The following PTH1R variants were observed in gnomAD, a reference collection of about 807,000 sequenced individuals.
PTH1R encodes parathyroid hormone 1 receptor.
A neutral mutation model predicts 70.7 loss-of-function variants in PTH1R; 32 were observed. The observed-to-expected ratio is 0.45, with a 90% confidence interval of 0.34 to 0.61. PTH1R has a LOEUF of 0.61. Ranked by LOEUF, PTH1R falls within the 20% of genes least tolerant of loss-of-function variation. The pLI is 0.01. For synonymous variants in PTH1R, 329 were observed against 324.8 expected, an observed-to-expected ratio of 1.01 and a Z score of -0.14; for missense variants, 626 against 792.5, an observed-to-expected ratio of 0.79 and a Z score of 2.52.
chr3:46,899,249 C>A (rs1041429425), intron 9 of PTH1R, 54 bp from the exon 10 acceptor site: 1 of 1,611,936 alleles, frequency 6.2e-7, no homozygotes, highest in African/African-American at 1.3e-5. Flanking sequence ...CAGCCCAGCC[C>A]TGACTTCCCG....
chr3:46,888,586 T>C (rs6762963), intron 3 of PTH1R, among the ~76,000 whole-genome samples: 6,720 of 152,226 alleles, frequency 0.044, 469 homozygotes, highest in African/African-American at 0.15. Context: ...ACGGTGTGAT[T>C]GGGAGAAGGG....
In PTH1R at chr3:46,899,318, G is replaced by A. The variant is rs762855724; in HGVS notation, c.850G>A (p.Ala284Thr). Residue 284 changes from alanine to threonine, a missense_variant, in exon 10 of 16, where the codon GCT becomes ACT. Coordinates refer to ENST00000449590, the MANE Select transcript of PTH1R (RefSeq NM_000316.3). The part of the protein sequence containing the change: ...AAAGYAGCRV[A>T]VTFFLYFLAT... ...GGTCTCTTAGGCGGGCTGCAGGGTG[G>A]CTGTGACCTTCTTCCTTTACTTCCT... 1 of 1,613,954 alleles carries A rather than the reference G, an allele frequency of 6.2e-7. No homozygotes were observed. Among genetic ancestry groups the A allele is most frequent in the Non-Finnish European group, 8.5e-7 (1 of 1,180,002 alleles).
Position 46,898,652 on chromosome 3 carries a change from C to T in PTH1R, c.639-10C>T, listed in dbSNP as rs775083243. The T allele has an allele frequency of 1.9e-6, 3 of 1,611,394 alleles. No individual in the cohort carries two copies. Among genetic ancestry groups the T allele is most frequent in the Non-Finnish European group, 1.7e-6 (2 of 1,179,658 alleles). On this transcript the variant is annotated splice_polypyrimidine_tract_variant and intron_variant, in intron 8 of 15. Coordinates refer to ENST00000449590, the MANE Select transcript of PTH1R (RefSeq NM_000316.3). ...TGCCCCCACCCACGGTCATGTCGCG[C>T]GCCCCGCAGGCGGCTGCACTGCACG...
At chr3:46,885,030 A>C (rs77707094) in intron 3 of PTH1R, among the ~76,000 whole-genome samples, 1 of 151,890 alleles carries the variant, frequency 6.6e-6, no homozygotes, top group Non-Finnish European at 1.5e-5. Flanking sequence ...CTGCAGAGAC[A>C]CTCCAAGTAC....
In PTH1R at chr3:46,893,983, G is replaced by A. The variant is rs199621988; in HGVS notation, c.152G>A (p.Arg51Gln). Residue 51 changes from arginine to glutamine, a missense_variant, in exon 4 of 16, where the codon CGG becomes CAG. Physicochemically the swap from Arg to Gln is conservative, Grantham distance 43. This residue lies in a region of PTH1R where 123 missense variants were observed against 125.7 expected (regional missense o/e 0.98). Transcript: ENST00000449590. This position sits in a 1 kb window ranked among gnomAD's most constrained non-coding sequence, Gnocchi z 5.2. ...LHRAQAQCEK[R>Q]LKEVLQRPAS... ...CGTGCTCAGGCCCAGTGCGAAAAAC[G>A]GCTCAAGGAGGTCCTGCAGAGGCCA... 1.3e-5 allele frequency: 21 copies of A among 1,614,132 alleles called. No individual in the cohort carries two copies. The highest frequency in any genetic ancestry group is 1.7e-5 in the Admixed American group (1 of 60,012).
rs1005824819 is a variant in PTH1R at position 46,892,654 on chromosome 3, G to A, written c.76-1253G>A. Reference sequence around the variant, plus strand: ...CTGACCCGGCCTGCCCGCCCCTCTCGCCGGTGCCCGCCCCATGCCCGACCC... The same window carrying A: ...CTGACCCGGCCTGCCCGCCCCTCTCACCGGTGCCCGCCCCATGCCCGACCC... On this transcript the variant is annotated intron_variant, in intron 3 of 15. Coordinates refer to ENST00000449590, the MANE Select transcript of PTH1R (RefSeq NM_000316.3). This position sits in a 1 kb window ranked among gnomAD's most constrained non-coding sequence, Gnocchi z 5.2. 2.4e-6 allele frequency: 2 copies of A among 828,562 alleles called. No individual in the cohort carries two copies. Among genetic ancestry groups the A allele is most frequent in the South Asian group, 5.5e-5 (1 of 18,114 alleles). 51.3% of individuals were successfully genotyped at this position (828,562 alleles called of 1,614,324 possible).
At chr3:46,890,093 C>T (rs1031790501) in intron 3 of PTH1R, among the ~76,000 whole-genome samples, 2 of 152,198 alleles carry the variant, frequency 1.3e-5, no homozygotes, top group South Asian at 2.1e-4. Flanking sequence ...AAGCTTGGGG[C>T]CTCTGGCAGT....
intron 5 of PTH1R, 152 bp from the exon 6 acceptor site, chr3:46,897,703 C>G: frequency 1.4e-6 from 1 of 736,658 alleles, no homozygotes; most frequent in Non-Finnish European, 2.3e-6. Flanking sequence ...TGCCCTCCAG[C>G]CTGAGCAACA....
intron 3 of PTH1R, among the ~76,000 whole-genome samples, chr3:46,887,886 G>A (rs1054727452): frequency 3.3e-5 from 5 of 152,184 alleles, no homozygotes; most frequent in African/African-American, 2.4e-5. Flanking sequence ...CTATATGTGC[G>A]TGATTCCAGA....
At position 46,892,992 on chromosome 3, in the gene PTH1R, C is replaced by T. The variant is rs2031523773; in HGVS notation, c.76-915C>T. 6.6e-6 allele frequency among the ~76,000 whole-genome samples: 1 copy of T among 152,198 alleles called. No individual in the cohort carries two copies. Among genetic ancestry groups the T allele is most frequent in the Non-Finnish European group, 1.5e-5 (1 of 68,036 alleles). On this transcript the variant is annotated intron_variant, in intron 3 of 15. Transcript: ENST00000449590. This position sits in a 1 kb window ranked among gnomAD's most constrained non-coding sequence, Gnocchi z 5.2. ...ACGGGAATGGCTGGGCTAGGCACAC[C>T]AGGCTGCTCCCAAGTCAGAGGACAG...
At chr3:46,898,879 C>A (rs1309453259) in intron 9 of PTH1R, 22 bp downstream of exon 9, 10 of 1,484,052 alleles carry the variant, frequency 6.7e-6, no homozygotes, top group Middle Eastern at 3.8e-4. Context: ...TCTGCCCGCC[C>A]GCTCCCGGTG....
rs774702999 is a variant in PTH1R at position 46,902,767 on chromosome 3, A to G, written c.1372A>G (p.Ile458Val). The change falls in exon 15 of 16, where the codon ATA becomes GTA. Residue 458 changes from isoleucine (I) to valine (V), a missense_variant. Transcript: ENST00000449590. The surrounding 1 kb of genome is among the most constrained non-coding windows in gnomAD (Gnocchi z 5.4). ...NSFQGFFVAI[I>V]YCFCNGEVQA... ...TTCACAGGGATTTTTTGTCGCAATC[A>G]TATACTGTTTCTGCAATGGCGAGGT... 1.2e-6 allele frequency: 2 copies of G among 1,613,500 alleles called. No individual in the cohort carries two copies. Among genetic ancestry groups the G allele is most frequent in the Non-Finnish European group, 1.7e-6 (2 of 1,179,940 alleles).
intron 4 of PTH1R, 83 bp from the exon 5 acceptor site, chr3:46,895,652 G>T (rs960094694): frequency 9.6e-5 from 154 of 1,606,110 alleles, no homozygotes; most frequent in Non-Finnish European, 1.3e-4. Context: ...ATTGTACAAA[G>T]GGGGAGTCTG....
At position 46,892,136 on chromosome 3, in the gene PTH1R, C is replaced by CT. The variant is rs2031449958; in HGVS notation, c.76-1770dup. 3.3e-5 allele frequency among the ~76,000 whole-genome samples: 5 copies of CT among 152,252 alleles called. No individual in the cohort carries two copies. The highest frequency in any genetic ancestry group is 7.4e-5 in the Non-Finnish European group (5 of 68,020). On this transcript the variant is annotated intron_variant, in intron 3 of 15. Transcript: ENST00000449590. The surrounding 1 kb of genome is among the most constrained non-coding windows in gnomAD (Gnocchi z 5.2). ...AGCCATAGCTGGGGAAGCAAAGAGA[C>CT]TAGGATAGAGGAGCTTAGGCCAGCC...
rs752702883 is a variant in PTH1R, at chr3:46,883,544, G to A, written c.-16G>A. The A allele has an allele frequency of 5.2e-6, 8 of 1,530,808 alleles. No individual in the cohort carries two copies. Among genetic ancestry groups the A allele is most frequent in the South Asian group, 3.6e-5 (3 of 83,292 alleles). 94.8% of individuals were successfully genotyped at this position (1,530,808 alleles called of 1,614,324 possible). A position where few individuals can be genotyped will look rare whatever the true frequency, so the allele number is the denominator to read the frequency against. On this transcript the variant is annotated 5_prime_UTR_variant, in exon 3 of 16. Transcript: ENST00000449590. The surrounding 1 kb of genome is among the most constrained non-coding windows in gnomAD (Gnocchi z 6.4). ...GGCGGCGGCTGCCCCGAGGGACGCG[G>A]CCCTAGGCGGTGGCGATGGGGACCG... is the stretch of plus-strand genomic sequence containing the variant.
chr3:46,898,413 G>A lies in PTH1R; in HGVS notation c.579G>A (p.Val193=). ...ACCGCCTGGGCATGATTTACACCGT[G>A]GGCTACTCCGTGTCCCTGGCGTCCC... is the stretch of plus-strand genomic sequence containing the variant. ...VFDRLGMIYT[V]GYSVSLASLT... is the part of the protein sequence containing the mutation. Residue 193 remains valine, a synonymous_variant, in exon 8 of 16, where the codon GTG becomes GTA. Transcript: ENST00000449590. 1 of 1,613,788 alleles carries A rather than the reference G, an allele frequency of 6.2e-7. No individual in the cohort carries two copies. The highest frequency in any genetic ancestry group is 8.5e-7 in the Non-Finnish European group (1 of 1,179,968).
In PTH1R at chr3:46,892,737, C is replaced by A; in HGVS notation, c.76-1170C>A. ...CCCGCCCTTCACAGCCATGCTCGGACTGCAGGGCCCCGGCCCCGCCTTGGC... is the reference window on the plus strand; with the variant it reads ...CCCGCCCTTCACAGCCATGCTCGGAATGCAGGGCCCCGGCCCCGCCTTGGC... On this transcript the variant is annotated intron_variant, in intron 3 of 15. Coordinates refer to ENST00000449590, the MANE Select transcript of PTH1R (RefSeq NM_000316.3). This position sits in a 1 kb window ranked among gnomAD's most constrained non-coding sequence, Gnocchi z 5.2. 1 of 985,818 alleles carries A rather than the reference C, an allele frequency of 1.0e-6. No individual in the cohort carries two copies. The highest frequency in any genetic ancestry group is 1.2e-6 in the Non-Finnish European group (1 of 830,120). 61.1% of individuals were successfully genotyped at this position (985,818 alleles called of 1,614,324 possible).
Position 46,883,689 on chromosome 3 carries a change from C to A in PTH1R, c.75+55C>A. On this transcript the variant is annotated intron_variant, in intron 3 of 15. Transcript: ENST00000449590. The surrounding 1 kb of genome is among the most constrained non-coding windows in gnomAD (Gnocchi z 6.4). ...CAGGCTGCGGGCTTACCCTAGGGTC[C>A]GCGGGATAGGTCTAAGGCACGCAGT... 1 of 1,539,244 alleles carries A rather than the reference C, an allele frequency of 6.5e-7. No homozygotes were observed. Among genetic ancestry groups the A allele is most frequent in the South Asian group, 1.2e-5 (1 of 83,970 alleles).
intron 3 of PTH1R, among the ~76,000 whole-genome samples, chr3:46,885,670 G>T (rs1172188035): frequency 2.0e-5 from 3 of 152,194 alleles, no homozygotes; most frequent in Non-Finnish European, 4.4e-5. Flanking sequence ...ACCTTGTTGG[G>T]GCATGTGAGT....
Sources: gnomAD v4.1 joint callset for allele counts (sites outside exome capture counted in the v4.1 genomes callset) on GRCh38, gnomAD v4.1.1 for gene constraint, gnomAD v4.1.1 regional missense constraint, Gnocchi (gnomAD v3.1) non-coding constraint, MANE v1.5 for transcripts, NCBI Gene and HGNC (gene_info 2026-07-23, HGNC 2026-07-21) for gene names.